The following CDKAL1 variants were observed in gnomAD, a reference collection of about 807,000 sequenced individuals.
The protein encoded by CDKAL1 is CDKAL1 threonylcarbamoyladenosine tRNA methylthiotransferase.
In CDKAL1, 32 loss-of-function variants were observed where a neutral mutation model predicts 68.2. That is an observed-to-expected ratio of 0.47 (90% CI 0.35 to 0.63). The LOEUF is 0.63. CDKAL1 is among the 30% of genes least tolerant of loss of function. The pLI, the probability that CDKAL1 is intolerant of heterozygous loss-of-function variation, is 0.00. For synonymous variants in CDKAL1, 234 were observed against 244.3 expected, an observed-to-expected ratio of 0.96 and a Z score of 0.39; for missense variants, 606 against 696.7, an observed-to-expected ratio of 0.87 and a Z score of 1.47.
At chr6:20,875,535 A>C (rs1174575417) in intron 9 of CDKAL1, among the ~76,000 whole-genome samples, 1 of 152,056 alleles carries the variant, frequency 6.6e-6, no homozygotes, top group African/African-American at 2.4e-5. Flanking sequence ...TGTCTCTGAG[A>C]TGTGGGGAGG....
chr6:21,102,686 A>T (rs1773640720), intron 12 of CDKAL1, among the ~76,000 whole-genome samples: 1 of 152,020 alleles, frequency 6.6e-6, no homozygotes, highest in Admixed American at 6.6e-5. Context: ...CTGGAGCCCT[A>T]GCGTGTATTA....
At chr6:20,999,679 A>AG (rs1264104293) in intron 10 of CDKAL1, among the ~76,000 whole-genome samples, 2 of 145,460 alleles carry the variant, frequency 1.4e-5, no homozygotes, top group African/African-American at 5.5e-5. Flanking sequence ...AAAAAAAAAA[A>AG]AAAAAAAAGA....
rs1417722236 is a variant in CDKAL1 at position 20,623,069 on chromosome 6, A to G, written c.287-26224A>G. On this transcript the variant is annotated intron_variant, in intron 4 of 15. Coordinates refer to ENST00000274695, the MANE Select transcript of CDKAL1 (RefSeq NM_017774.3). The stretch of plus-strand genomic sequence containing the variant: ...TGGATTTTTTGGGGAAGAAAAATGT[A>G]CATTAAAAGTCTTCTGTTAGTAAGA... 3.9e-5 allele frequency among the ~76,000 whole-genome samples: 6 copies of G among 152,216 alleles called. 1 individual carries two copies. The highest frequency in any genetic ancestry group is 3.9e-4 in the Admixed American group (6 of 15,274).
At chr6:20,555,214 C>T (rs928887619) in intron 4 of CDKAL1, among the ~76,000 whole-genome samples, 6 of 152,156 alleles carry the variant, frequency 3.9e-5, no homozygotes, top group African/African-American at 4.8e-5. Flanking sequence ...CCTTCATATT[C>T]TGTGTTAAAT....
At chr6:20,958,335 C>T (rs1412476925) in intron 10 of CDKAL1, among the ~76,000 whole-genome samples, 1 of 152,184 alleles carries the variant, frequency 6.6e-6, no homozygotes, top group African/African-American at 2.4e-5. Context: ...TCTTCTCATC[C>T]TCCTCTGCAT....
At chr6:20,721,619 G>GT (rs1182565768) in intron 5 of CDKAL1, among the ~76,000 whole-genome samples, 1 of 149,310 alleles carries the variant, frequency 6.7e-6, no homozygotes, top group African/African-American at 2.5e-5. Context: ...CTTATTTTTA[G>GT]TTTTTTGAGC....
chr6:20,936,491 C>A (rs1470806131), intron 9 of CDKAL1, among the ~76,000 whole-genome samples: 5 of 151,164 alleles, frequency 3.3e-5, no homozygotes, highest in Admixed American at 6.6e-5. Context: ...ACCTCGTGAT[C>A]CGCCCGCCTC....
intron 9 of CDKAL1, among the ~76,000 whole-genome samples, chr6:20,881,256 G>C (rs893124306): frequency 6.6e-6 from 1 of 152,142 alleles, no homozygotes; most frequent in African/African-American, 2.4e-5. Context: ...TTGCATTTCT[G>C]TCAGGTTCCA....
At chr6:20,701,049 GAAT>G (rs1238836177) in intron 5 of CDKAL1, among the ~76,000 whole-genome samples, 1 of 152,018 alleles carries the variant, frequency 6.6e-6, no homozygotes, top group Non-Finnish European at 1.5e-5. Flanking sequence ...TCTTTGTAGA[GAAT>G]AATACAAAAT....
intron 5 of CDKAL1, among the ~76,000 whole-genome samples, chr6:20,696,346 C>G (rs1771106865): frequency 6.6e-6 from 1 of 152,176 alleles, no homozygotes; most frequent in Non-Finnish European, 1.5e-5. Flanking sequence ...TCCAGGGCTC[C>G]AGAGCTTTTA....
At position 20,743,995 on chromosome 6, in the gene CDKAL1, A is replaced by G. The variant is rs552529535; in HGVS notation, c.468+4380A>G. Among the ~76,000 whole-genome samples the G allele has an allele frequency of 3.9e-5, 6 of 152,356 alleles. No homozygotes were observed. The South Asian group carries it at 1.2e-3, about 32-fold the overall frequency. ...TGATGTATATTTATGAGTGACCAGT[A>G]TAGAATCAGGATCTTTTTGTCTCTT... On this transcript the variant is annotated intron_variant, in intron 6 of 15. Coordinates refer to ENST00000274695, the MANE Select transcript of CDKAL1 (RefSeq NM_017774.3).
intron 13 of CDKAL1, among the ~76,000 whole-genome samples, chr6:21,138,774 T>A (rs1775747639): frequency 6.6e-6 from 1 of 152,152 alleles, no homozygotes; most frequent in Admixed American, 6.5e-5. Flanking sequence ...CCATAAGACT[T>A]AAGCACCCGG....
At chr6:20,995,424 TG>T (rs1473321178) in intron 10 of CDKAL1, among the ~76,000 whole-genome samples, 4 of 152,172 alleles carry the variant, frequency 2.6e-5, no homozygotes, top group Admixed American at 6.5e-5. Context: ...ATAATGAACT[TG>T]AAAGTTGAAA....
At position 21,045,337 on chromosome 6, in the gene CDKAL1, CA is replaced by C. The variant is rs1770164721; in HGVS notation, c.1056-19706del. On this transcript the variant is annotated intron_variant, in intron 11 of 15. Transcript: ENST00000274695. ...CTAAATAATCCTCAGATTCTTTTGC[CA>C]AAAATGATGTAATCAGTGCTACTTT... is the stretch of plus-strand genomic sequence containing the variant. Among the ~76,000 whole-genome samples, 4 of 152,198 alleles carry C rather than the reference CA, an allele frequency of 2.6e-5. No homozygotes were observed. The South Asian group carries it at 8.3e-4, about 32-fold the overall frequency.
At chr6:21,093,676 A>G (rs1773160608) in intron 12 of CDKAL1, among the ~76,000 whole-genome samples, 3 of 147,858 alleles carry the variant, frequency 2.0e-5, no homozygotes, top group Admixed American at 6.7e-5. Context: ...TAGATAACCA[A>G]CTGAGCTGCT....
chr6:21,230,553 C>T lies in CDKAL1; in HGVS notation c.1549-295C>T, dbSNP rs148504181. Among the ~76,000 whole-genome samples, 681 of 152,326 alleles carry T rather than the reference C, an allele frequency of 4.5e-3. 5 individuals carry two copies. Among genetic ancestry groups the T allele is most frequent in the African/African-American group, 0.015 (615 of 41,570 alleles). On this transcript the variant is annotated intron_variant, in intron 15 of 15. Coordinates refer to ENST00000274695, the MANE Select transcript of CDKAL1 (RefSeq NM_017774.3). ...ATGTCTGTGGTATGACTCCACTTTA[C>T]ACAGATTCTACCCTTCATGAATTCT... is the stretch of plus-strand genomic sequence containing the variant.
chr6:20,844,668 A>G (rs1261503651), intron 8 of CDKAL1, among the ~76,000 whole-genome samples: 2 of 149,014 alleles, frequency 1.3e-5, no homozygotes, highest in Non-Finnish European at 1.5e-5. Flanking sequence ...TGGGCAACAT[A>G]GCGAGACCCC....
intron 12 of CDKAL1, among the ~76,000 whole-genome samples, chr6:21,096,880 G>A (rs1003195784): frequency 6.6e-6 from 1 of 152,156 alleles, no homozygotes; most frequent in African/African-American, 2.4e-5. Flanking sequence ...TTTTAGCACT[G>A]TAACTGCTAA....
chr6:20,648,478 A>G (rs1768593002), intron 4 of CDKAL1, among the ~76,000 whole-genome samples: 1 of 152,074 alleles, frequency 6.6e-6, no homozygotes, highest in Non-Finnish European at 1.5e-5. Flanking sequence ...TGTGCTTACC[A>G]GTCCTCCCAC....
Sources: gnomAD v4.1 joint callset for allele counts (sites outside exome capture counted in the v4.1 genomes callset) on GRCh38, gnomAD v4.1.1 for gene constraint, MANE v1.5 for transcripts, NCBI Gene and HGNC (gene_info 2026-07-23, HGNC 2026-07-21) for gene names.